Variants in CXADR observed in about 807,000 individuals in gnomAD.
CXADR encodes coxsackievirus and adenovirus receptor.
In CXADR, 20 loss-of-function variants were observed where a neutral mutation model predicts 40.3. The ratio of observed to expected loss-of-function variants is 0.50; its 90% CI spans 0.35 to 0.72. CXADR has a LOEUF of 0.72. CXADR is among the 30% of genes least tolerant of loss of function. The probability of loss-of-function intolerance (pLI) is 0.01; values close to 1 mark genes in which losing one functional copy is unlikely to be tolerated. For missense variants in CXADR, 332 were observed against 449.1 expected (o/e 0.74, Z 2.36); for synonymous variants, 150 against 161.3 (o/e 0.93, Z 0.53).
In CXADR at chr21:17,566,091, G is replaced by T. The variant is rs10482888; in HGVS notation, c.*399G>T. The T allele has an allele frequency of 2.3e-3, 2,252 of 985,140 alleles. 132 individuals are homozygous for T. The East Asian group carries it at 0.16, about 70-fold the overall frequency. 61.0% of individuals were successfully genotyped at this position (985,140 alleles called of 1,614,324 possible). A position where few individuals can be genotyped will look rare whatever the true frequency, so the allele number is the denominator to read the frequency against. On this transcript the variant is annotated 3_prime_UTR_variant, in exon 7 of 7. Transcript: ENST00000284878. ...TGATCATTTTTACCATTATTTTTAG[G>T]ATGTGTATTTCATTTATTTATGGCC... is the stretch of plus-strand genomic sequence containing the variant.
At chr21:17,529,326 T>C (rs1248433026) in intron 1 of CXADR, among the ~76,000 whole-genome samples, 2 of 151,070 alleles carry the variant, frequency 1.3e-5, no homozygotes, top group African/African-American at 4.9e-5. Flanking sequence ...CCACTGCACC[T>C]GGCTTTTTTT....
At chr21:17,520,857 C>T (rs1438548563) in intron 1 of CXADR, among the ~76,000 whole-genome samples, 2 of 151,996 alleles carry the variant, frequency 1.3e-5, no homozygotes, top group African/African-American at 2.4e-5. Context: ...CACTAACCTA[C>T]GGGAAATAAA....
At chr21:17,610,820 A>T in the CXADR span, among the ~76,000 whole-genome samples, 1 of 152,226 alleles carries the variant, frequency 6.6e-6, no homozygotes, top group African/African-American at 2.4e-5. Context: ...AATAAAGCTG[A>T]TTGTTAGCTT....
chr21:17,626,900 A>G, the CXADR span: 1 of 152,242 alleles, frequency 6.6e-6, no homozygotes, highest in African/African-American at 2.4e-5. Context: ...TAGGTAAAGA[A>G]ATTGAGTTCC....
chr21:17,547,193 G>T lies in CXADR; in HGVS notation c.210G>T (p.Val70=). The change falls in exon 2 of 7, where the codon GTG becomes GTT. Residue 70 remains valine (V), a splice_region_variant and synonymous_variant. Coordinates refer to ENST00000284878, the MANE Select transcript of CXADR (RefSeq NM_001338.5). ...CTGATAATCAGAAGGTGGATCAAGT[G>T]GTAAGTTTGATATGTCCTTGCTCGC... ...SPADNQKVDQ[V]IILYSGDKIY... 6.2e-7 allele frequency: 1 copy of T among 1,614,110 alleles called. No individual in the cohort carries two copies. The highest frequency in any genetic ancestry group is 8.5e-7 in the Non-Finnish European group (1 of 1,180,026).
At position 17,567,535 on chromosome 21, in the gene CXADR, C is replaced by A. The variant is rs900993214; in HGVS notation, c.*1843C>A. ...ACACATCACTGTGATACCTTTCTAT[C>A]CTCACATTTTCAAGCTTGCCTCTTT... On this transcript the variant is annotated 3_prime_UTR_variant, in exon 7 of 7. Transcript: ENST00000284878. The A allele has an allele frequency of 1.9e-5, 19 of 985,122 alleles. No individual in the cohort carries two copies. The highest frequency in any genetic ancestry group is 2.0e-5 in the Non-Finnish European group (17 of 829,814). 61.0% of individuals were successfully genotyped at this position (985,122 alleles called of 1,614,324 possible). A position where few individuals can be genotyped will look rare whatever the true frequency, so the allele number is the denominator to read the frequency against.
intron 1 of CXADR, among the ~76,000 whole-genome samples, chr21:17,532,911 T>C (rs1429401057): frequency 6.6e-6 from 1 of 152,208 alleles, no homozygotes; most frequent in Non-Finnish European, 1.5e-5. Flanking sequence ...AAGCATTTAG[T>C]GAGATAAATT....
chr21:17,571,891 A>G (rs2061280208), downstream of CXADR, among the ~76,000 whole-genome samples: 1 of 152,206 alleles, frequency 6.6e-6, no homozygotes, highest in African/African-American at 2.4e-5. Context: ...TACCTCCTTC[A>G]GTAACCTGAA....
intron 7 of CXADR, among the ~76,000 whole-genome samples, chr21:17,590,239 T>TTC (rs1005537011): frequency 6.6e-6 from 1 of 151,160 alleles, no homozygotes; most frequent in Non-Finnish European, 1.5e-5. Flanking sequence ...TTTTTTTTTT[T>TTC]TTGATAGGAG....
intron 3 of CXADR, among the ~76,000 whole-genome samples, chr21:17,556,534 A>G (rs765991119): frequency 6.6e-6 from 1 of 152,224 alleles, no homozygotes; most frequent in Non-Finnish European, 1.5e-5. Context: ...TGTTTGATGC[A>G]CAAAGCATTG....
At chr21:17,633,305 C>T in the CXADR span, 6 of 152,292 alleles carry the variant, frequency 3.9e-5, no homozygotes, top group African/African-American at 1.4e-4. Flanking sequence ...TGGCTCATGC[C>T]TATAAGCTCA....
At chr21:17,610,927 T>C in the CXADR span, among the ~76,000 whole-genome samples, 1 of 151,940 alleles carries the variant, frequency 6.6e-6, no homozygotes. Context: ...AAATAAATTC[T>C]ACACAGTTAT....
chr21:17,628,511 T>C, the CXADR span, among the ~76,000 whole-genome samples: 7 of 152,238 alleles, frequency 4.6e-5, no homozygotes, highest in Admixed American at 2.6e-4. Context: ...CAGTTCTTTT[T>C]TTTTTTTGAG....
At chr21:17,528,061 G>GTTCT (rs1238473713) in intron 1 of CXADR, among the ~76,000 whole-genome samples, 33 of 100,618 alleles carry the variant, frequency 3.3e-4, no homozygotes, top group African/African-American at 8.7e-4. Context: ...CTTATGCTTA[G>GTTCT]TTCTTTCTTT....
rs143052490 is a variant in CXADR, at chr21:17,515,853, C to A, written c.43+2681C>A. Among the ~76,000 whole-genome samples the A allele has an allele frequency of 3.3e-4, 51 of 152,304 alleles. 1 individual carries two copies. The East Asian group carries it at 7.1e-3, about 21-fold the overall frequency. ...AGGCATTGTTATTAACTCAAGTTCA[C>A]TGTTAACATGATTGACTCCTACTTT... is the stretch of plus-strand genomic sequence containing the variant. On this transcript the variant is annotated intron_variant, in intron 1 of 6. Coordinates refer to ENST00000284878, the MANE Select transcript of CXADR (RefSeq NM_001338.5).
the CXADR span, among the ~76,000 whole-genome samples, chr21:17,625,683 T>A: frequency 2.6e-5 from 4 of 152,230 alleles, no homozygotes; most frequent in African/African-American, 9.6e-5. Context: ...TCACTTTTCA[T>A]CTTCTTTCAA....
the CXADR span, among the ~76,000 whole-genome samples, chr21:17,617,391 T>C: frequency 2.0e-5 from 3 of 152,174 alleles, no homozygotes; most frequent in African/African-American, 7.2e-5. Flanking sequence ...ATGCATAAAC[T>C]CCTATCTTTA....
chr21:17,619,818 G>A, the CXADR span, among the ~76,000 whole-genome samples: 11 of 123,812 alleles, frequency 8.9e-5, no homozygotes, highest in East Asian at 1.5e-3. Flanking sequence ...TTACTGCTTC[G>A]CCTTGCACTT....
downstream of CXADR, among the ~76,000 whole-genome samples, chr21:17,594,961 G>A (rs2061485895): frequency 1.3e-5 from 2 of 151,100 alleles, no homozygotes; most frequent in Non-Finnish European, 3.0e-5. Flanking sequence ...GTTTACCTAT[G>A]GAACAAACCT....
Sources: gnomAD v4.1 joint callset for allele counts (sites outside exome capture counted in the v4.1 genomes callset) on GRCh38, gnomAD v4.1.1 for gene constraint, MANE v1.5 for transcripts, NCBI Gene and HGNC (gene_info 2026-07-23, HGNC 2026-07-21) for gene names.